Variants in CNNM1 observed in about 807,000 individuals in gnomAD.
The protein encoded by CNNM1 is metal transporter CNNM1.
Under a neutral mutation model 78.8 loss-of-function variants are expected in CNNM1, and 44 were observed. The observed-to-expected ratio is 0.56, with a 90% CI of 0.44 to 0.72. The LOEUF (loss-of-function observed/expected upper bound fraction) is 0.72, where lower values mean the gene tolerates loss of function less well. CNNM1 is among the 30% of genes least tolerant of loss of function. The pLI, the probability that CNNM1 is intolerant of heterozygous loss-of-function variation, is 0.00. For missense variants in CNNM1, 1,101 were observed against 1,292.2 expected (o/e 0.85, Z 2.27); for synonymous variants, 584 against 581.5 (o/e 1.00, Z -0.06).
chr10:99,375,494 AGG>A lies in CNNM1; in HGVS notation c.2177-1557_2177-1556del, dbSNP rs531128474. On this transcript the variant is annotated intron_variant, in intron 6 of 10. Transcript: ENST00000356713. ...TATAAGTGGATGACACTTACTGAGA[AGG>A]GGGAAGACTGGAAGTGGACTCCTTA... Among the ~76,000 whole-genome samples the A allele has an allele frequency of 2.3e-3, 349 of 152,292 alleles. 2 individuals are homozygous for A. The highest frequency in any genetic ancestry group is 4.3e-3 in the Non-Finnish European group (294 of 68,032).
intron 6 of CNNM1, among the ~76,000 whole-genome samples, chr10:99,375,849 G>A (rs1306043689): frequency 1.3e-5 from 2 of 152,178 alleles, no homozygotes; most frequent in Non-Finnish European, 2.9e-5. Flanking sequence ...AGAAGGATTG[G>A]GGGAGCTTTG....
chr10:99,383,430 C>T (rs534376139), intron 7 of CNNM1, among the ~76,000 whole-genome samples: 11 of 152,198 alleles, frequency 7.2e-5, no homozygotes, highest in Middle Eastern at 3.4e-3. Flanking sequence ...TGCGCCACCA[C>T]GCCTGGCTAA....
chr10:99,373,619 A>G (rs373451831), intron 6 of CNNM1, among the ~76,000 whole-genome samples: 5 of 152,218 alleles, frequency 3.3e-5, no homozygotes, highest in South Asian at 4.1e-4. Flanking sequence ...TGTTACATAG[A>G]TATATTACAT....
At chr10:99,361,390 A>G (rs755033138) in intron 3 of CNNM1, among the ~76,000 whole-genome samples, 75 of 152,332 alleles carry the variant, frequency 4.9e-4, no homozygotes, top group Non-Finnish European at 8.4e-4. Flanking sequence ...ATCTTTAGAA[A>G]GAAAAAAAAG....
intron 1 of CNNM1, among the ~76,000 whole-genome samples, chr10:99,333,838 G>C (rs1227356290): frequency 1.3e-5 from 2 of 152,188 alleles, no homozygotes; most frequent in African/African-American, 2.4e-5. Context: ...AGTTGATATT[G>C]ATCTGAAATG....
chr10:99,380,034 T>G (rs1324622386), intron 7 of CNNM1, among the ~76,000 whole-genome samples: 1 of 150,790 alleles, frequency 6.6e-6, no homozygotes, highest in Non-Finnish European at 1.5e-5. Context: ...TTTTTTTTTT[T>G]TTTTTTTGAG....
At chr10:99,368,760 C>T in intron 6 of CNNM1, 1 of 1,005,718 alleles carries the variant, frequency 9.9e-7, no homozygotes. Flanking sequence ...CACTTTCCTG[C>T]ATGAGAACTA....
intron 6 of CNNM1, among the ~76,000 whole-genome samples, chr10:99,367,211 C>A (rs116833352): frequency 6.6e-6 from 1 of 152,128 alleles, no homozygotes; most frequent in Non-Finnish European, 1.5e-5. Flanking sequence ...GAGCTTAAGT[C>A]TAAGCTAAAA....
chr10:99,389,245 G>A (rs1467244842), intron 9 of CNNM1, among the ~76,000 whole-genome samples: 1 of 151,768 alleles, frequency 6.6e-6, no homozygotes, highest in African/African-American at 2.4e-5. Context: ...GTGAAACCCT[G>A]TCTCTACTAA....
intron 6 of CNNM1, among the ~76,000 whole-genome samples, chr10:99,370,728 T>C (rs1043140975): frequency 6.6e-6 from 1 of 152,206 alleles, no homozygotes; most frequent in African/African-American, 2.4e-5. Context: ...CCAAAGTACC[T>C]AAAAATTTTT....
In CNNM1 at chr10:99,362,366, C is replaced by A; in HGVS notation, c.1998C>A (p.Arg666=). ...APEHYLYQRN[R]PVDYFVLLLQ... is the part of the protein sequence containing the mutation. ...AACACTACCTCTACCAGCGCAACCG[C>A]CCTGTGGACTACTTTGTGCTGCTTC... The change falls in exon 4 of 11, where the codon CGC becomes CGA. Residue 666 remains arginine (R), a synonymous_variant. Coordinates refer to ENST00000356713, the MANE Select transcript of CNNM1 (RefSeq NM_020348.3). 1 of 1,613,860 alleles carries A rather than the reference C, an allele frequency of 6.2e-7. No homozygotes were observed. Among genetic ancestry groups the A allele is most frequent in the South Asian group, 1.1e-5 (1 of 91,074 alleles).
rs747596465 is a variant in CNNM1 at position 99,330,501 on chromosome 10, G to A, written c.1114G>A (p.Val372Met). The A allele has an allele frequency of 6.3e-6, 10 of 1,584,278 alleles. No individual in the cohort carries two copies. The highest frequency in any genetic ancestry group is 1.7e-4 in the Middle Eastern group (1 of 6,026). Reference sequence around the variant, plus strand: ...GCTTCTGATGGCAGCCGCCTTCCCCGTGTGCTACCCGCTGGGCCGCCTGCT... The same window carrying A: ...GCTTCTGATGGCAGCCGCCTTCCCCATGTGCTACCCGCTGGGCCGCCTGCT... ...TRLLMAAAFP[V>M]CYPLGRLLDW... The change falls in exon 1 of 11, where the codon GTG (valine) becomes ATG (methionine). Residue 372 changes from valine (V) to methionine (M), a missense_variant. Val to Met is a conservative substitution (Grantham distance 21). Coordinates refer to ENST00000356713, the MANE Select transcript of CNNM1 (RefSeq NM_020348.3).
intron 7 of CNNM1, among the ~76,000 whole-genome samples, chr10:99,381,362 C>T (rs73328352): frequency 0.051 from 7,496 of 147,914 alleles, 576 homozygotes; most frequent in African/African-American, 0.17. Context: ...TGTAGTGAGC[C>T]GAGGCCATTG....
At chr10:99,353,035 CT>C (rs1284558954) in intron 1 of CNNM1, among the ~76,000 whole-genome samples, 1 of 151,870 alleles carries the variant, frequency 6.6e-6, no homozygotes, top group Non-Finnish European at 1.5e-5. Context: ...TCCAACTTCA[CT>C]TTTTTGCATG....
Position 99,364,917 on chromosome 10 carries a change from A to C in CNNM1, c.2129-38A>C, listed in dbSNP as rs773652348. 4.4e-6 allele frequency: 7 copies of C among 1,598,322 alleles called. No homozygotes were observed. The South Asian group carries it at 6.7e-5, about 15-fold the overall frequency. The stretch of plus-strand genomic sequence containing the variant: ...ATTCCCATAAGAAGTGTGTTTTCTG[A>C]GTTGCCTCTGAAACCCACTGCATGC... On this transcript the variant is annotated intron_variant, in intron 5 of 10. Coordinates refer to ENST00000356713, the MANE Select transcript of CNNM1 (RefSeq NM_020348.3).
In CNNM1 at chr10:99,329,399, CGCG is replaced by C. The variant is rs1490890103; in HGVS notation, c.21_23del (p.Ala10del). 2.9e-5 allele frequency: 23 copies of C among 798,288 alleles called. No individual in the cohort carries two copies. The highest frequency in any genetic ancestry group is 6.9e-5 in the Admixed American group (2 of 28,826). The allele number at this position is 798,288 out of a possible 1,614,324, so 49.5% of individuals were successfully genotyped here. ...GCGCTGGGTGCAGGATGGCGGCGGC[CGCG>C]GCGGCGGCAGCAGCGGTGGGTGTCA... On this transcript the variant is annotated inframe_deletion, in exon 1 of 11. Coordinates refer to ENST00000356713, the MANE Select transcript of CNNM1 (RefSeq NM_020348.3).
In CNNM1 at chr10:99,330,005, C is replaced by T; in HGVS notation, c.618C>T (p.Arg206=). 13 of 1,408,798 alleles carry T rather than the reference C, an allele frequency of 9.2e-6. No homozygotes were observed. The highest frequency in any genetic ancestry group is 1.2e-5 in the Non-Finnish European group (13 of 1,093,732). 87.3% of individuals were successfully genotyped at this position (1,408,798 alleles called of 1,614,324 possible). A position where few individuals can be genotyped will look rare whatever the true frequency, so the allele number is the denominator to read the frequency against. Residue 206 remains arginine, a synonymous_variant, in exon 1 of 11, where the codon CGC becomes CGT. Transcript: ENST00000356713. Reference sequence around the variant, plus strand: ...GCGCCGCCGGCGGCTTCCTGCTGCGCGTTCGCCCGCGGTTGTACGGCCCAG... The same window carrying T: ...GCGCCGCCGGCGGCTTCCTGCTGCGTGTTCGCCCGCGGTTGTACGGCCCAG... The part of the protein sequence containing the change: ...HHGAAGGFLL[R]VRPRLYGPGG...
chr10:99,359,245 GA>G (rs763067111), intron 2 of CNNM1, among the ~76,000 whole-genome samples: 4 of 151,984 alleles, frequency 2.6e-5, no homozygotes, highest in South Asian at 2.1e-4. Flanking sequence ...TGATGGGGGA[GA>G]GGGGGGCTAT....
At chr10:99,361,342 G>A (rs2031427514) in intron 3 of CNNM1, among the ~76,000 whole-genome samples, 1 of 152,162 alleles carries the variant, frequency 6.6e-6, no homozygotes, top group Non-Finnish European at 1.5e-5. Flanking sequence ...TGTGAGCTAT[G>A]AATTTTTAAA....
Sources: allele counts gnomAD v4.1 joint callset (sites outside exome capture counted in the v4.1 genomes callset), GRCh38; gene constraint gnomAD v4.1.1; transcripts MANE v1.5; gene names NCBI Gene and HGNC (gene_info 2026-07-23, HGNC 2026-07-21).